PUDP: variants seen among roughly 807,000 people sequenced by gnomAD.
PUDP encodes the protein pseudouridine 5'-phosphatase.
Under a neutral mutation model 9.4 loss-of-function variants are expected in PUDP, and 8 were observed. The observed-to-expected ratio is 0.85, with a 90% CI of 0.50 to 1.53. The LOEUF (loss-of-function observed/expected upper bound fraction) is 1.53, where lower values mean the gene tolerates loss of function less well. PUDP is among the 40% of genes most tolerant of loss of function. The pLI is 0.00. For missense variants in PUDP, 188 were observed against 189.7 expected, an observed-to-expected ratio of 0.99 and a Z score of 0.05; for synonymous variants, 99 against 80.7, an observed-to-expected ratio of 1.23 and a Z score of -1.22.
At chrX:6,990,840 G>A (rs1177881512) in intron 1 of PUDP, among the ~76,000 whole-genome samples, 1 of 112,672 alleles carries the variant, frequency 8.9e-6, no homozygotes, top group African/African-American at 3.2e-5. Context: ...GGGTGTGTGA[G>A]GTGGTGTCAG....
In PUDP at chrX:6,745,763, C is replaced by G. The variant is rs754334952; in HGVS notation, c.*248-39297G>C. ...GGCATGAGCAATCTTCCCACCTCAG[C>G]TTCCCAAGTAGCTGGAACTACAGGC... On this transcript the variant is annotated intron_variant and NMD_transcript_variant, in intron 3 of 3. Coordinates refer to the PUDP transcript ENST00000655425. Among the ~76,000 whole-genome samples the G allele has an allele frequency of 4.5e-5, 5 of 111,783 alleles. No individual in the cohort carries two copies. In the East Asian group the frequency reaches 1.1e-3, roughly 25 times the overall value.
At chrX:7,083,620 G>C (rs1931174336) in intron 2 of PUDP, among the ~76,000 whole-genome samples, 1 of 111,148 alleles carries the variant, frequency 9.0e-6, no homozygotes, top group Non-Finnish European at 1.9e-5. Context: ...GTCCGGTTTG[G>C]CTGGGCATGG....
intron 3 of PUDP, among the ~76,000 whole-genome samples, chrX:7,059,330 G>A (rs905835637): frequency 5.4e-5 from 6 of 111,860 alleles, no homozygotes; most frequent in African/African-American, 2.0e-4. Context: ...TACAGATGCC[G>A]CGTCCACCAA....
chrX:6,987,395 C>T (rs913642464), intron 1 of PUDP, among the ~76,000 whole-genome samples: 3 of 111,699 alleles, frequency 2.7e-5, no homozygotes, highest in African/African-American at 6.5e-5. Context: ...ATTAGAGACT[C>T]GGGGGTTCAT....
chrX:6,838,801 T>A (rs1306440570), intron 3 of PUDP, among the ~76,000 whole-genome samples: 1 of 112,078 alleles, frequency 8.9e-6, no homozygotes, highest in African/African-American at 3.2e-5. Flanking sequence ...TTATCAAAAC[T>A]TCTACCTTCT....
At chrX:6,837,508 C>T (rs751026866) in intron 3 of PUDP, among the ~76,000 whole-genome samples, 2 of 112,888 alleles carry the variant, frequency 1.8e-5, no homozygotes, top group Non-Finnish European at 3.8e-5. Context: ...TGTGCATACG[C>T]ACACACACAA....
chrX:6,781,425 T>A (rs1388948174), intron 3 of PUDP, among the ~76,000 whole-genome samples: 2 of 111,781 alleles, frequency 1.8e-5, no homozygotes, highest in African/African-American at 3.3e-5. Flanking sequence ...TAAAGTTACA[T>A]GCAACTTCTC....
intron 3 of PUDP, among the ~76,000 whole-genome samples, chrX:6,792,845 G>A (rs1157833643): frequency 8.9e-6 from 1 of 112,478 alleles, no homozygotes; most frequent in African/African-American, 3.2e-5. Flanking sequence ...CCTTGCAATG[G>A]GTGAAAAGTC....
intron 3 of PUDP, among the ~76,000 whole-genome samples, chrX:6,751,489 C>T (rs978949220): frequency 9.0e-6 from 1 of 111,720 alleles, no homozygotes; most frequent in African/African-American, 3.3e-5. Flanking sequence ...TTAGTAAACA[C>T]CCTGTTCATC....
chrX:6,826,321 T>C (rs1479744589), intron 3 of PUDP, among the ~76,000 whole-genome samples: 5 of 112,021 alleles, frequency 4.5e-5, no homozygotes, highest in Non-Finnish European at 9.4e-5. Context: ...AAGTGCCACA[T>C]TTATTTTTTA....
At chrX:7,117,033 A>T in intron 1 of PUDP, 1 of 1,166,670 alleles carries the variant, frequency 8.6e-7, no homozygotes, top group Non-Finnish European at 1.1e-6. Context: ...TTCCTGTATA[A>T]CCTGCAGAAA....
intron 3 of PUDP, among the ~76,000 whole-genome samples, chrX:6,798,104 C>A (rs1035994932): frequency 8.9e-6 from 1 of 111,972 alleles, no homozygotes; most frequent in Non-Finnish European, 1.9e-5. Flanking sequence ...AAACACATAC[C>A]AAAGACTGGG....
At chrX:6,806,197 T>C (rs909353612) in intron 3 of PUDP, among the ~76,000 whole-genome samples, 4 of 112,297 alleles carry the variant, frequency 3.6e-5, no homozygotes, top group Non-Finnish European at 7.5e-5. Flanking sequence ...GAACTTACAA[T>C]TGACATTGTG....
At chrX:6,889,632 T>C (rs759969768) in intron 3 of PUDP, among the ~76,000 whole-genome samples, 1 of 110,591 alleles carries the variant, frequency 9.0e-6, no homozygotes, top group East Asian at 3.0e-4. Context: ...AAGTAATTCA[T>C]TAATTATCCC....
chrX:6,817,014 C>CA (rs1555911733), intron 3 of PUDP, among the ~76,000 whole-genome samples: 2 of 90,404 alleles, frequency 2.2e-5, no homozygotes, highest in African/African-American at 8.6e-5. Context: ...TATATATACA[C>CA]ATATAGTATA....
chrX:6,830,663 A>C (rs1167738618), intron 3 of PUDP, among the ~76,000 whole-genome samples: 1 of 112,273 alleles, frequency 8.9e-6, no homozygotes, highest in Non-Finnish European at 1.9e-5. Context: ...GCAAAAGTTA[A>C]GAGATACGAA....
chrX:6,720,258 G>GTATATATA (rs543397118), intron 1 of PUDP, among the ~76,000 whole-genome samples: 1,199 of 48,633 alleles, frequency 0.025, 38 homozygotes, highest in African/African-American at 0.069. Flanking sequence ...GTGTGTGTGT[G>GTATATATA]TATATATATA....
intron 3 of PUDP, among the ~76,000 whole-genome samples, chrX:6,856,149 G>T (rs1926902863): frequency 9.0e-6 from 1 of 111,157 alleles, no homozygotes; most frequent in Non-Finnish European, 1.9e-5. Context: ...CATTACCAAT[G>T]TTGGAGAGGT....
chrX:6,726,501 T>C (rs1399763643), upstream of PUDP, among the ~76,000 whole-genome samples: 1 of 112,168 alleles, frequency 8.9e-6, no homozygotes, highest in Non-Finnish European at 1.9e-5. Flanking sequence ...GATTTGATCA[T>C]GACACATTGT....
Sources: allele counts gnomAD v4.1 joint callset (sites outside exome capture counted in the v4.1 genomes callset), GRCh38; gene constraint gnomAD v4.1.1; transcripts MANE v1.5; gene names NCBI Gene and HGNC (gene_info 2026-07-23, HGNC 2026-07-21).